Variants in ADGRV1 observed in about 807,000 individuals in gnomAD.
The protein encoded by ADGRV1 is G-protein coupled receptor 98.
Under a neutral mutation model 596.2 loss-of-function variants are expected in ADGRV1, and 359 were observed. The ratio of observed to expected loss-of-function variants is 0.60; its 90% CI spans 0.55 to 0.66. The LOEUF is 0.66. Among genes scored for constraint, ADGRV1 ranks in the 30% least tolerant of loss-of-function variants. ADGRV1 has a pLI of 0.00. For synonymous variants in ADGRV1, 2,681 were observed against 2,679.2 expected (o/e 1.00, Z -0.02); for missense variants, 7,274 against 7,575.6 (o/e 0.96, Z 1.48).
intron 20 of ADGRV1, chr5:90,654,353 C>G (rs1247755093): frequency 4.3e-6 from 1 of 230,756 alleles, no homozygotes; most frequent in African/African-American, 2.3e-5. Flanking sequence ...ACCTGGGGAA[C>G]TGCTGCTAGT....
At chr5:90,743,891 A>G (rs958586217) in intron 50 of ADGRV1, among the ~76,000 whole-genome samples, 1 of 152,126 alleles carries the variant, frequency 6.6e-6, no homozygotes, top group African/African-American at 2.4e-5. Flanking sequence ...TTAGTATTGT[A>G]TATAATATAG....
intron 76 of ADGRV1, among the ~76,000 whole-genome samples, chr5:90,827,988 G>A (rs1026376719): frequency 1.3e-5 from 2 of 152,144 alleles, no homozygotes; most frequent in Non-Finnish European, 2.9e-5. Flanking sequence ...AGTTGTAAAG[G>A]CATCAGCTTA....
chr5:91,104,192 G>A (rs1421111575), intron 87 of ADGRV1, among the ~76,000 whole-genome samples: 1 of 152,154 alleles, frequency 6.6e-6, no homozygotes, highest in African/African-American at 2.4e-5. Context: ...GCAGCTCTAA[G>A]TAGGTAGGTT....
intron 1 of ADGRV1, among the ~76,000 whole-genome samples, chr5:90,596,472 C>T (rs1343510287): frequency 2.6e-5 from 4 of 152,008 alleles, no homozygotes; most frequent in African/African-American, 9.7e-5. Context: ...GAGCCGAGAT[C>T]ACGCCACTGC....
At chr5:90,819,568 C>T (rs1763262163) in intron 75 of ADGRV1, among the ~76,000 whole-genome samples, 1 of 150,332 alleles carries the variant, frequency 6.7e-6, no homozygotes, top group South Asian at 2.1e-4. Context: ...TATAAATTTC[C>T]CTCTACACAC....
At chr5:90,838,132 A>G (rs1765124518) in intron 77 of ADGRV1, among the ~76,000 whole-genome samples, 1 of 152,200 alleles carries the variant, frequency 6.6e-6, no homozygotes, top group Admixed American at 6.5e-5. Flanking sequence ...ATAGTATTTC[A>G]GGGAATATTT....
intron 86 of ADGRV1, among the ~76,000 whole-genome samples, chr5:91,096,911 C>T (rs1790922470): frequency 6.6e-6 from 1 of 152,200 alleles, no homozygotes; most frequent in African/African-American, 2.4e-5. Flanking sequence ...AACTTCTGTT[C>T]TACTTTCTGC....
chr5:90,604,176 T>C (rs1487766272), intron 1 of ADGRV1, among the ~76,000 whole-genome samples: 1 of 151,948 alleles, frequency 6.6e-6, no homozygotes, highest in Non-Finnish European at 1.5e-5. Flanking sequence ...AAATGTGAAA[T>C]CTACAAATTT....
At chr5:90,763,979 T>G (rs1034128037) in intron 59 of ADGRV1, among the ~76,000 whole-genome samples, 7 of 152,200 alleles carry the variant, frequency 4.6e-5, no homozygotes, top group Non-Finnish European at 1.0e-4. Context: ...ATAGGTTGAC[T>G]GATGTCTGAT....
intron 89 of ADGRV1, among the ~76,000 whole-genome samples, chr5:91,162,078 G>A (rs895105591): frequency 4.6e-5 from 7 of 152,196 alleles, no homozygotes; most frequent in African/African-American, 1.2e-4. Flanking sequence ...ACTAACACTC[G>A]TTCTTGAGAA....
intron 85 of ADGRV1, among the ~76,000 whole-genome samples, chr5:91,039,086 C>T (rs1785129740): frequency 6.6e-6 from 1 of 152,074 alleles, no homozygotes. Context: ...CCTGGTGCTT[C>T]CAATATATAA....
At chr5:90,592,784 G>A (rs531174668) in intron 1 of ADGRV1, among the ~76,000 whole-genome samples, 24 of 152,274 alleles carry the variant, frequency 1.6e-4, no homozygotes, top group East Asian at 3.9e-4. Context: ...AAAAGTGGGC[G>A]AAGGATATGA....
chr5:90,860,741 G>C (rs1166700672), intron 82 of ADGRV1, among the ~76,000 whole-genome samples: 1 of 148,842 alleles, frequency 6.7e-6, no homozygotes, highest in African/African-American at 2.5e-5. Flanking sequence ...AAAAGCCTAA[G>C]CTAAAAAGCT....
In ADGRV1 at chr5:90,675,225, C is replaced by A. The variant is rs1773049708; in HGVS notation, c.5111-18C>A. The A allele has an allele frequency of 6.2e-7, 1 of 1,605,246 alleles. No homozygotes were observed. Among genetic ancestry groups the A allele is most frequent in the Non-Finnish European group, 8.5e-7 (1 of 1,174,156 alleles). Reference sequence around the variant, plus strand: ...ACAGTTCATTGGGACAATGCCCTGGCCCCTTTGTCTCCACTAGGCTTGCTG... The same window carrying A: ...ACAGTTCATTGGGACAATGCCCTGGACCCTTTGTCTCCACTAGGCTTGCTG... On this transcript the variant is annotated intron_variant, in intron 23 of 89. Coordinates refer to ENST00000405460, the MANE Select transcript of ADGRV1 (RefSeq NM_032119.4).
intron 45 of ADGRV1, among the ~76,000 whole-genome samples, chr5:90,723,776 A>G (rs930260211): frequency 5.3e-5 from 8 of 152,212 alleles, no homozygotes; most frequent in African/African-American, 1.4e-4. Flanking sequence ...TTCAACCTTG[A>G]TAGTTGTTCT....
At chr5:91,150,005 T>G in intron 87 of ADGRV1, 25 bp from the exon 88 acceptor site, 1 of 1,407,720 alleles carries the variant, frequency 7.1e-7, no homozygotes, top group South Asian at 1.4e-5. Context: ...TTTTCTTTTC[T>G]TTTCTTTTTT....
At chr5:91,036,801 G>A (rs866772776) in intron 85 of ADGRV1, among the ~76,000 whole-genome samples, 2 of 152,118 alleles carry the variant, frequency 1.3e-5, no homozygotes, top group South Asian at 2.1e-4. Context: ...CACAATGCCC[G>A]TGAAGCACAT....
intron 86 of ADGRV1, among the ~76,000 whole-genome samples, chr5:91,082,512 C>A (rs1227779829): frequency 6.6e-6 from 1 of 152,038 alleles, no homozygotes; most frequent in Non-Finnish European, 1.5e-5. Flanking sequence ...ATTTTTTTTA[C>A]AGAGCATTTT....
intron 26 of ADGRV1, 141 bp from the exon 27 acceptor site, chr5:90,681,174 G>C: frequency 1.1e-6 from 1 of 874,656 alleles, no homozygotes; most frequent in Non-Finnish European, 1.7e-6. Context: ...ATTTGTGTCT[G>C]CCTTTCTTTC....
Sources: allele counts gnomAD v4.1 joint callset (sites outside exome capture counted in the v4.1 genomes callset), GRCh38; gene constraint gnomAD v4.1.1; transcripts MANE v1.5; gene names NCBI Gene and HGNC (gene_info 2026-07-23, HGNC 2026-07-21).